MAGI3: variants seen among roughly 807,000 people sequenced by gnomAD.
MAGI3 encodes membrane-associated guanylate kinase, WW and PDZ domain-containing protein 3.
In MAGI3, 43 loss-of-function variants were observed where a neutral mutation model predicts 121.8. That is an observed-to-expected ratio of 0.35 (90% CI 0.28 to 0.46). The LOEUF (loss-of-function observed/expected upper bound fraction) is 0.46, where lower values mean the gene tolerates loss of function less well. MAGI3 is among the 20% of genes least tolerant of loss of function. The probability of loss-of-function intolerance (pLI) is 1.00; values close to 1 mark genes in which losing one functional copy is unlikely to be tolerated. For missense variants in MAGI3, 1,547 were observed against 1,797.3 expected, an observed-to-expected ratio of 0.86 and a Z score of 2.52; for synonymous variants, 553 against 639.3, an observed-to-expected ratio of 0.86 and a Z score of 2.04.
At chr1:113,410,966 T>C (rs1651945351) in intron 1 of MAGI3, among the ~76,000 whole-genome samples, 2 of 152,118 alleles carry the variant, frequency 1.3e-5, no homozygotes. Context: ...GGAACTTAAC[T>C]CCTCACTACC....
chr1:113,653,510 T>C lies in MAGI3; in HGVS notation c.2441-320T>C, dbSNP rs541944587. Among the ~76,000 whole-genome samples, 6 of 151,478 alleles carry C rather than the reference T, an allele frequency of 4.0e-5. No individual in the cohort carries two copies. In the East Asian group the frequency reaches 1.2e-3, roughly 29 times the overall value. ...TGGCGTGAACCCAGGAAGCAGAGGT[T>C]GCAATGAGCCGAGATCGCGCCACTG... On this transcript the variant is annotated intron_variant, in intron 14 of 20. Transcript: ENST00000307546.
intron 2 of MAGI3, among the ~76,000 whole-genome samples, chr1:113,573,597 G>A (rs1441644348): frequency 6.6e-6 from 1 of 152,128 alleles, no homozygotes; most frequent in African/African-American, 2.4e-5. Context: ...CATTTGCTGA[G>A]GAGTGTTTTA....
Position 113,454,785 on chromosome 1 carries a change from G to A in MAGI3, c.316+63436G>A, listed in dbSNP as rs748189467. 1.2e-4 allele frequency among the ~76,000 whole-genome samples: 18 copies of A among 152,120 alleles called. 1 individual carries two copies. Among genetic ancestry groups the A allele is most frequent in the Non-Finnish European group, 1.8e-4 (12 of 68,028 alleles). ...CTTGTATTACACAGAATTTCAATGA[G>A]AATTAAATGGATTCATGTGAAGTTC... On this transcript the variant is annotated intron_variant, in intron 1 of 20. Transcript: ENST00000307546.
At chr1:113,634,798 C>T (rs1211318146) in intron 9 of MAGI3, among the ~76,000 whole-genome samples, 1 of 152,134 alleles carries the variant, frequency 6.6e-6, no homozygotes, top group Non-Finnish European at 1.5e-5. Flanking sequence ...ATGGGGATGG[C>T]ATTGAATCTA....
chr1:113,435,663 A>G (rs1041286243), intron 1 of MAGI3, among the ~76,000 whole-genome samples: 2 of 152,122 alleles, frequency 1.3e-5, no homozygotes, highest in African/African-American at 4.8e-5. Context: ...AGGTGCTAGT[A>G]TTATGAAGAG....
At chr1:113,505,546 A>G (rs897860787) in intron 1 of MAGI3, among the ~76,000 whole-genome samples, 2 of 148,226 alleles carry the variant, frequency 1.3e-5, no homozygotes, top group African/African-American at 5.0e-5. Flanking sequence ...AAATAAATAA[A>G]TAAATAAATA....
intron 9 of MAGI3, among the ~76,000 whole-genome samples, chr1:113,638,358 G>GT (rs1652189031): frequency 6.6e-6 from 1 of 152,198 alleles, no homozygotes; most frequent in Non-Finnish European, 1.5e-5. Flanking sequence ...CCTCTTTGTG[G>GT]TTTTATCTTC....
chr1:113,414,943 G>A (rs1652222036), intron 1 of MAGI3, among the ~76,000 whole-genome samples: 1 of 151,936 alleles, frequency 6.6e-6, no homozygotes, highest in Admixed American at 6.6e-5. Context: ...TTTTATACCT[G>A]TAACACTAAT....
At chr1:113,571,897 C>G (rs1397619500) in intron 2 of MAGI3, among the ~76,000 whole-genome samples, 1 of 152,132 alleles carries the variant, frequency 6.6e-6, no homozygotes, top group Non-Finnish European at 1.5e-5. Flanking sequence ...CTTTCTCTTG[C>G]CTAATTGCCC....
chr1:113,567,777 G>C (rs577857205), intron 2 of MAGI3, among the ~76,000 whole-genome samples: 3 of 151,906 alleles, frequency 2.0e-5, no homozygotes, highest in Non-Finnish European at 4.4e-5. Context: ...AAGACAGAAG[G>C]CTTTTCCTGT....
At chr1:113,457,760 T>C (rs1654829318) in intron 1 of MAGI3, among the ~76,000 whole-genome samples, 1 of 152,146 alleles carries the variant, frequency 6.6e-6, no homozygotes, top group African/African-American at 2.4e-5. Flanking sequence ...ATAAAATAGG[T>C]ATTGACCAAT....
At chr1:113,654,528 C>A (rs1043750757) in intron 15 of MAGI3, among the ~76,000 whole-genome samples, 1 of 152,022 alleles carries the variant, frequency 6.6e-6, no homozygotes, top group Non-Finnish European at 1.5e-5. Flanking sequence ...AAGAGGCATA[C>A]CTTTTATAAA....
intron 1 of MAGI3, among the ~76,000 whole-genome samples, chr1:113,504,170 G>T (rs1047418249): frequency 1.3e-5 from 2 of 151,900 alleles, no homozygotes; most frequent in African/African-American, 4.8e-5. Flanking sequence ...TCTTCTAGGG[G>T]ACCCTGTTGA....
At chr1:113,469,029 A>G (rs896187178) in intron 1 of MAGI3, among the ~76,000 whole-genome samples, 4 of 152,208 alleles carry the variant, frequency 2.6e-5, no homozygotes, top group Admixed American at 6.5e-5. Context: ...TAAAGCATAT[A>G]TATGATAGAT....
chr1:113,604,384 T>C (rs1037458403), intron 6 of MAGI3, among the ~76,000 whole-genome samples: 14 of 151,598 alleles, frequency 9.2e-5, no homozygotes, highest in African/African-American at 3.2e-4. Flanking sequence ...CTGGCCAATA[T>C]GGTGAAACCC....
rs1451527732 is a variant in MAGI3, at chr1:113,510,320, CAG to C, written c.317-39193_317-39192del. Among the ~76,000 whole-genome samples, 9 of 147,324 alleles carry C rather than the reference CAG, an allele frequency of 6.1e-5. No individual in the cohort carries two copies. In the South Asian group the frequency reaches 1.5e-3, roughly 25 times the overall value. On this transcript the variant is annotated intron_variant, in intron 1 of 20. Transcript: ENST00000307546. ...AAGAACAGTAGGCATTTAAGATAAACAGAAGTGTAAAATACATTTAATCCTAG... is the reference window on the plus strand; with the variant it reads ...AAGAACAGTAGGCATTTAAGATAAACAAGTGTAAAATACATTTAATCCTAG...
chr1:113,452,814 A>G (rs954591593), intron 1 of MAGI3, among the ~76,000 whole-genome samples: 1 of 152,192 alleles, frequency 6.6e-6, no homozygotes, highest in Non-Finnish European at 1.5e-5. Flanking sequence ...AAACATGACA[A>G]AGGAAAACCC....
chr1:113,644,955 C>T (rs954878168), intron 11 of MAGI3, among the ~76,000 whole-genome samples: 6 of 151,754 alleles, frequency 4.0e-5, no homozygotes, highest in African/African-American at 1.5e-4. Flanking sequence ...TCTTTCTAGC[C>T]CACCAAGTAG....
At chr1:113,440,878 T>A (rs1010005803) in intron 1 of MAGI3, among the ~76,000 whole-genome samples, 7 of 152,200 alleles carry the variant, frequency 4.6e-5, no homozygotes, top group Admixed American at 4.6e-4. Context: ...AGCTATGTCC[T>A]TATATTTAAG....
Sources: gnomAD v4.1 joint callset for allele counts (sites outside exome capture counted in the v4.1 genomes callset) on GRCh38, gnomAD v4.1.1 for gene constraint, MANE v1.5 for transcripts, NCBI Gene and HGNC (gene_info 2026-07-23, HGNC 2026-07-21) for gene names.